DLGAP2: variants seen among roughly 807,000 people sequenced by gnomAD.
DLGAP2 encodes the protein DLG associated protein 2.
Under a neutral mutation model 100.3 loss-of-function variants are expected in DLGAP2, and 26 were observed. The ratio of observed to expected loss-of-function variants is 0.26; its 90% CI spans 0.19 to 0.36. The LOEUF (loss-of-function observed/expected upper bound fraction) is 0.36, where lower values mean the gene tolerates loss of function less well. Among genes scored for constraint, DLGAP2 ranks in the 10% least tolerant of loss-of-function variants. The probability of loss-of-function intolerance (pLI) is 1.00; values close to 1 mark genes in which losing one functional copy is unlikely to be tolerated. For synonymous variants in DLGAP2, 886 were observed against 630.1 expected (o/e 1.41, Z -6.08); for missense variants, 1,858 against 1,453.2 (o/e 1.28, Z -4.53).
At position 1,253,598 on chromosome 8, in the gene DLGAP2, C is replaced by T. The variant is rs1405188104; in HGVS notation, c.74-5253C>T. Among the ~76,000 whole-genome samples, 5 of 152,154 alleles carry T rather than the reference C, an allele frequency of 3.3e-5. No homozygotes were observed. The South Asian group carries it at 8.3e-4, about 25-fold the overall frequency. ...TTGTGCCAGAAAACACTGGGCTGGG[C>T]GTTTGCTGTTCACGTGTGGAGCTCG... On this transcript the variant is annotated intron_variant, in intron 2 of 14. Coordinates refer to ENST00000637795, the MANE Select transcript of DLGAP2 (RefSeq NM_001346810.2).
intron 2 of DLGAP2, among the ~76,000 whole-genome samples, chr8:1,203,524 C>T (rs796520126): frequency 9.2e-5 from 14 of 152,282 alleles, no homozygotes; most frequent in Non-Finnish European, 4.4e-5. Flanking sequence ...CCCTTCTCAG[C>T]GATCTCTGTG....
intron 3 of DLGAP2, among the ~76,000 whole-genome samples, chr8:1,418,295 A>C (rs746225627): frequency 5.3e-5 from 8 of 152,360 alleles, no homozygotes; most frequent in South Asian, 2.1e-4. Context: ...TGGTCTAAAA[A>C]TTAAACAGCT....
chr8:817,011 G>A (rs1405054017), intron 1 of DLGAP2, among the ~76,000 whole-genome samples: 1 of 152,062 alleles, frequency 6.6e-6, no homozygotes, highest in Non-Finnish European at 1.5e-5. Context: ...CGCGGTGGTG[G>A]GCGCCTGTAG....
intron 12 of DLGAP2, chr8:1,688,502 G>C (rs923928568): frequency 1.3e-5 from 2 of 152,190 alleles, no homozygotes; most frequent in Non-Finnish European, 2.9e-5. Context: ...TCGTGGGGGT[G>C]ACAGTGGCCC....
intron 2 of DLGAP2, among the ~76,000 whole-genome samples, chr8:1,127,147 AC>A (rs368796211): frequency 8.9e-6 from 1 of 112,770 alleles, no homozygotes; most frequent in African/African-American, 3.6e-5. Context: ...CTCATGAGGG[AC>A]CCCACCCTGT....
At chr8:848,351 CGTGCGGTGCCTGTTCCAGT>C in intron 1 of DLGAP2, among the ~76,000 whole-genome samples, 1 of 122,216 alleles carries the variant, frequency 8.2e-6, no homozygotes, top group Non-Finnish European at 1.9e-5. Flanking sequence ...AGTATAGGAA[CGTGCGGTGCCTGTTCCAGT>C]GTAGGGTCGT....
intron 3 of DLGAP2, among the ~76,000 whole-genome samples, chr8:1,267,992 C>T (rs1210284897): frequency 6.6e-6 from 1 of 152,142 alleles, no homozygotes. Flanking sequence ...GAAGCCACAG[C>T]TATTCAATAT....
chr8:1,219,283 A>G (rs558674442), intron 2 of DLGAP2, among the ~76,000 whole-genome samples: 11 of 152,098 alleles, frequency 7.2e-5, no homozygotes, highest in Admixed American at 1.3e-4. Context: ...TTATTTTGAG[A>G]TAAGTTCCTC....
intron 2 of DLGAP2, chr8:1,250,304 C>G (rs1799009852): frequency 6.6e-6 from 1 of 152,232 alleles, no homozygotes; most frequent in South Asian, 2.1e-4. Context: ...CACAGTTTGT[C>G]TCCAGAGCAA....
intron 2 of DLGAP2, among the ~76,000 whole-genome samples, chr8:1,190,945 C>A (rs1001006523): frequency 2.0e-5 from 3 of 152,160 alleles, no homozygotes; most frequent in Admixed American, 1.3e-4. Flanking sequence ...CATGGTGCGA[C>A]ATCCCCAGCA....
At chr8:1,511,914 A>T (rs1251842800) in intron 4 of DLGAP2, among the ~76,000 whole-genome samples, 1 of 152,256 alleles carries the variant, frequency 6.6e-6, no homozygotes, top group Non-Finnish European at 1.5e-5. Context: ...TCCAAGTCTT[A>T]TCAGAGCCTG....
At chr8:928,193 G>C (rs1446900707) in intron 2 of DLGAP2, among the ~76,000 whole-genome samples, 1 of 152,174 alleles carries the variant, frequency 6.6e-6, no homozygotes, top group Non-Finnish European at 1.5e-5. Flanking sequence ...ATATTCAGTA[G>C]GCCTCATGGA....
chr8:1,218,620 C>G (rs902611656), intron 2 of DLGAP2, among the ~76,000 whole-genome samples: 9 of 151,858 alleles, frequency 5.9e-5, no homozygotes, highest in Admixed American at 1.3e-4. Context: ...TATTCAGGCT[C>G]TTTTTTGTTT....
At chr8:1,560,381 C>T (rs1352791217) in intron 5 of DLGAP2, among the ~76,000 whole-genome samples, 3 of 152,120 alleles carry the variant, frequency 2.0e-5, no homozygotes, top group African/African-American at 2.4e-5. Flanking sequence ...ATCTTTTCAT[C>T]GCTAAATACA....
chr8:1,110,625 G>A (rs1223620272), intron 2 of DLGAP2, among the ~76,000 whole-genome samples: 1 of 152,030 alleles, frequency 6.6e-6, no homozygotes, highest in African/African-American at 2.4e-5. Flanking sequence ...ATCCAGCAGT[G>A]CCATACTGTC....
At chr8:1,161,935 C>T (rs949024383) in intron 2 of DLGAP2, among the ~76,000 whole-genome samples, 2 of 152,242 alleles carry the variant, frequency 1.3e-5, no homozygotes, top group Admixed American at 6.5e-5. Flanking sequence ...AGAGGAGATC[C>T]GTGTGCCAAG....
intron 2 of DLGAP2, among the ~76,000 whole-genome samples, chr8:1,132,231 C>A (rs1796309363): frequency 6.6e-6 from 1 of 152,136 alleles, no homozygotes; most frequent in Middle Eastern, 3.2e-3. Context: ...CTTTTAAATC[C>A]TGTAGAGAGT....
chr8:1,144,845 G>C (rs75402612), intron 2 of DLGAP2, among the ~76,000 whole-genome samples: 26 of 55,182 alleles, frequency 4.7e-4, no homozygotes, highest in East Asian at 3.1e-3. Context: ...CCCACAGTCA[G>C]ACCGCAGACG....
chr8:1,066,624 G>C, intron 2 of DLGAP2, among the ~76,000 whole-genome samples: 2 of 151,958 alleles, frequency 1.3e-5, no homozygotes, highest in Middle Eastern at 6.8e-3. Flanking sequence ...CCCCACCACG[G>C]TCAGGTCTGA....
Sources: gnomAD v4.1 joint callset for allele counts (sites outside exome capture counted in the v4.1 genomes callset) on GRCh38, gnomAD v4.1.1 for gene constraint, MANE v1.5 for transcripts, NCBI Gene and HGNC (gene_info 2026-07-23, HGNC 2026-07-21) for gene names.